Variants in SHROOM2 observed in about 807,000 individuals in gnomAD.
SHROOM2 encodes shroom family member 2.
Under a neutral mutation model 75.9 loss-of-function variants are expected in SHROOM2, and 33 were observed. The ratio of observed to expected loss-of-function variants is 0.43; its 90% CI spans 0.33 to 0.58. SHROOM2 has a LOEUF of 0.58. Among genes scored for constraint, SHROOM2 ranks in the 20% least tolerant of loss-of-function variants. The pLI is 0.04. For synonymous variants in SHROOM2, 655 were observed against 663.6 expected, an observed-to-expected ratio of 0.99 and a Z score of 0.20; for missense variants, 1,434 against 1,461.2, an observed-to-expected ratio of 0.98 and a Z score of 0.30.
intron 1 of SHROOM2, among the ~76,000 whole-genome samples, chrX:9,810,040 G>T (rs920421167): frequency 6.2e-5 from 7 of 112,377 alleles, no homozygotes; most frequent in African/African-American, 2.3e-4. Context: ...TATTTTCCTA[G>T]CACTAGTACA....
chrX:9,864,698 G>A (rs1180202710), intron 1 of SHROOM2, among the ~76,000 whole-genome samples: 9 of 107,944 alleles, frequency 8.3e-5, no homozygotes, highest in Non-Finnish European at 1.5e-4. Context: ...AGTGGCGGGC[G>A]CCTGTAGTCC....
At chrX:9,797,106 TGC>T (rs1350361940) in intron 1 of SHROOM2, among the ~76,000 whole-genome samples, 1 of 112,647 alleles carries the variant, frequency 8.9e-6, no homozygotes, top group African/African-American at 3.2e-5. Context: ...GCAGAAATGC[TGC>T]CTGCCCGAGT....
chrX:9,855,097 A>T (rs1482048406), intron 1 of SHROOM2, among the ~76,000 whole-genome samples: 1 of 106,286 alleles, frequency 9.4e-6, no homozygotes. Context: ...AGGCATCCTC[A>T]TTGTTCAACT....
intron 5 of SHROOM2, among the ~76,000 whole-genome samples, chrX:9,918,381 A>G (rs1342380017): frequency 8.9e-6 from 1 of 112,642 alleles, no homozygotes; most frequent in Admixed American, 9.4e-5. Context: ...CTGGTAGTCC[A>G]ACGTCAAGGT....
chrX:9,814,490 A>T (rs1421152512), intron 1 of SHROOM2, among the ~76,000 whole-genome samples: 2 of 110,177 alleles, frequency 1.8e-5, no homozygotes, highest in Admixed American at 1.9e-4. Flanking sequence ...TCTCAACCTC[A>T]CCTCTAGGGG....
intron 1 of SHROOM2, among the ~76,000 whole-genome samples, chrX:9,805,746 A>C (rs1356836258): frequency 9.0e-6 from 1 of 110,721 alleles, no homozygotes; most frequent in Non-Finnish European, 1.9e-5. Context: ...AAGGAAACCA[A>C]TTAATGGGAG....
At chrX:9,938,140 C>A (rs951785776) in intron 7 of SHROOM2, among the ~76,000 whole-genome samples, 1 of 111,404 alleles carries the variant, frequency 9.0e-6, no homozygotes, top group Non-Finnish European at 1.9e-5. Context: ...ATCCAGCCCC[C>A]ACGTGTCCCT....
intron 5 of SHROOM2, among the ~76,000 whole-genome samples, chrX:9,926,454 T>C (rs1296460337): frequency 8.9e-6 from 1 of 111,934 alleles, no homozygotes; most frequent in African/African-American, 3.2e-5. Flanking sequence ...TGCTGCTGTT[T>C]GCTGTTGCTG....
At chrX:9,866,904 C>T (rs762409521) in intron 1 of SHROOM2, among the ~76,000 whole-genome samples, 24 of 110,665 alleles carry the variant, frequency 2.2e-4, no homozygotes, top group Non-Finnish European at 4.0e-4. Flanking sequence ...CACGGGGAAG[C>T]CTCTGCGGAA....
chrX:9,899,721 A>G (rs1368623727), intron 5 of SHROOM2, among the ~76,000 whole-genome samples: 3 of 112,474 alleles, frequency 2.7e-5, no homozygotes, highest in Non-Finnish European at 3.7e-5. Context: ...AGGCCGACGA[A>G]TAATCCACCT....
At chrX:9,914,830 G>T (rs1324601258) in intron 5 of SHROOM2, among the ~76,000 whole-genome samples, 1 of 112,041 alleles carries the variant, frequency 8.9e-6, no homozygotes, top group Non-Finnish European at 1.9e-5. Context: ...TTTCAGTCTG[G>T]TGGGCTCCTG....
At chrX:9,818,919 ATCC>A (rs1459107760) in intron 1 of SHROOM2, 8 of 551,440 alleles carry the variant, frequency 1.5e-5, no homozygotes, top group Non-Finnish European at 2.6e-5. Context: ...CCCCCCAGTC[ATCC>A]TCCTCTTCTT....
At chrX:9,939,129 G>C in intron 7 of SHROOM2, 66 bp from the exon 8 acceptor site, 1 of 999,912 alleles carries the variant, frequency 1.0e-6, no homozygotes. Context: ...CAACCCAGGG[G>C]GTGGGGCAGA....
chrX:9,886,431 T>G (rs775818688), intron 2 of SHROOM2, among the ~76,000 whole-genome samples: 1 of 112,718 alleles, frequency 8.9e-6, no homozygotes, highest in Non-Finnish European at 1.9e-5. Context: ...ATATACACTT[T>G]GGGTTTTTGT....
chrX:9,858,283 C>T (rs939521990), intron 1 of SHROOM2, among the ~76,000 whole-genome samples: 4 of 111,637 alleles, frequency 3.6e-5, no homozygotes, highest in East Asian at 2.8e-4. Flanking sequence ...GAACAAGGCC[C>T]GTCCCTTTGA....
chrX:9,912,107 A>AACACACACAC (rs61080253), intron 5 of SHROOM2, among the ~76,000 whole-genome samples: 127 of 26,457 alleles, frequency 4.8e-3, no homozygotes, highest in Admixed American at 9.7e-3. Context: ...CCTTTCTCCA[A>AACACACACAC]ACACACACAC....
intron 4 of SHROOM2, among the ~76,000 whole-genome samples, chrX:9,897,680 C>CA (rs56026461): frequency 0.35 from 24,518 of 70,523 alleles, 4,238 homozygotes; most frequent in East Asian, 0.86. Context: ...GACCCTGTCT[C>CA]AAAAAAAAAA....
intron 5 of SHROOM2, among the ~76,000 whole-genome samples, chrX:9,898,797 A>T (rs2084349212): frequency 8.9e-6 from 1 of 111,853 alleles, no homozygotes; most frequent in African/African-American, 3.3e-5. Flanking sequence ...TGAGCTTTAA[A>T]ATAGAAATCG....
At chrX:9,832,148 AAG>A (rs973589612) in intron 1 of SHROOM2, among the ~76,000 whole-genome samples, 52 of 111,966 alleles carry the variant, frequency 4.6e-4, no homozygotes, top group African/African-American at 1.7e-3. Context: ...TCAGGTGTTT[AAG>A]AGAGTCTGGT....
Sources: allele counts gnomAD v4.1 joint callset (sites outside exome capture counted in the v4.1 genomes callset), GRCh38; gene constraint gnomAD v4.1.1; transcripts MANE v1.5; gene names NCBI Gene and HGNC (gene_info 2026-07-23, HGNC 2026-07-21).